The following PBRM1 variants were observed in gnomAD, a reference collection of about 807,000 sequenced individuals.
PBRM1 encodes the protein protein polybromo-1.
PBRM1 carries 27 observed loss-of-function variants against 194.5 expected under a neutral mutation model. The observed-to-expected ratio is 0.14, with a 90% CI of 0.10 to 0.19. The LOEUF (loss-of-function observed/expected upper bound fraction) is 0.19. PBRM1 is among the 10% of genes least tolerant of loss of function. The pLI is 1.00. For synonymous variants in PBRM1, 655 were observed against 693.2 expected (o/e 0.94, Z 0.87); for missense variants, 1,466 against 2,077.2 (o/e 0.71, Z 5.72).
upstream of PBRM1, chr3:52,685,883 C>A: frequency 3.2e-6 from 2 of 618,670 alleles, no homozygotes; most frequent in Non-Finnish European, 5.8e-6. Flanking sequence ...GCCCTCACCT[C>A]CCTTACCCCT....
At chr3:52,567,857 C>T (rs1464854429) in intron 22 of PBRM1, among the ~76,000 whole-genome samples, 1 of 148,914 alleles carries the variant, frequency 6.7e-6, no homozygotes, top group Non-Finnish European at 1.5e-5. Flanking sequence ...CCATGTTGGC[C>T]AGGCTGGTCT....
intron 16 of PBRM1, among the ~76,000 whole-genome samples, chr3:52,606,888 T>C (rs1299916540): frequency 6.6e-6 from 1 of 152,208 alleles, no homozygotes; most frequent in Non-Finnish European, 1.5e-5. Flanking sequence ...CTAAATACTG[T>C]TGATGGACAA....
At chr3:52,581,904 G>A (rs1434791475) in intron 20 of PBRM1, among the ~76,000 whole-genome samples, 3 of 152,088 alleles carry the variant, frequency 2.0e-5, no homozygotes, top group African/African-American at 7.2e-5. Flanking sequence ...CCAAAGTGAT[G>A]GGATTACAGG....
At chr3:52,554,868 C>A (rs778015952) in exon 27 of PBRM1, 9 of 1,607,378 alleles carry the variant, frequency 5.6e-6, no homozygotes, top group Middle Eastern at 1.7e-4. Flanking sequence ...GGCGGATAGC[C>A]ACCCATCATG....
rs2094490955 is a variant in PBRM1 at position 52,609,129 on chromosome 3, C to T, written c.2567+184G>A. 2 of 558,124 alleles carry T rather than the reference C, an allele frequency of 3.6e-6. No homozygotes were observed. Among genetic ancestry groups the T allele is most frequent in the Non-Finnish European group, 6.3e-6 (2 of 318,668 alleles). 34.6% of individuals were successfully genotyped at this position (558,124 alleles called of 1,614,324 possible). A position where few individuals can be genotyped will look rare whatever the true frequency, so the allele number is the denominator to read the frequency against. ...TTAAACTAGATGACTTAGTGGTGTG[C>T]CTTCTCTCCCCCACAGAATATACTC... On this transcript the variant is annotated intron_variant, in intron 16 of 29. Transcript: ENST00000296302. The surrounding 1 kb of genome is among the most constrained non-coding windows in gnomAD (Gnocchi z 4.1).
exon 4 of PBRM1, chr3:52,662,256 T>A (rs2153929130): frequency 6.2e-7 from 1 of 1,613,182 alleles, no homozygotes; most frequent in Admixed American, 1.7e-5. Flanking sequence ...TGCAAGCGGC[T>A]TTATATTCAG....
chr3:52,573,523 A>C (rs1198660200), intron 22 of PBRM1, among the ~76,000 whole-genome samples: 1 of 152,092 alleles, frequency 6.6e-6, no homozygotes, highest in Non-Finnish European at 1.5e-5. Context: ...CTTAACTCCT[A>C]ATCTCAGGTG....
At chr3:52,563,249 AATAAG>A (rs769585167) in intron 24 of PBRM1, 29 bp downstream of exon 26, 38 of 1,544,734 alleles carry the variant, frequency 2.5e-5, no homozygotes, top group Middle Eastern at 3.6e-4. Context: ...CAAAGGTGGT[AATAAG>A]ATAAGTAACA....
intron 27 of PBRM1, among the ~76,000 whole-genome samples, chr3:52,551,533 C>G (rs528622693): frequency 6.6e-6 from 1 of 152,046 alleles, no homozygotes; most frequent in African/African-American, 2.4e-5. Context: ...GTAAGCTTCC[C>G]TCAGTGAATG....
At chr3:52,605,157 G>A (rs1472208327) in intron 16 of PBRM1, among the ~76,000 whole-genome samples, 1 of 152,124 alleles carries the variant, frequency 6.6e-6, no homozygotes, top group Non-Finnish European at 1.5e-5. Flanking sequence ...AGACTGGAGT[G>A]CAGTGGCGTG....
intron 20 of PBRM1, among the ~76,000 whole-genome samples, chr3:52,583,096 C>CAAAAAA (rs1157790825): frequency 9.7e-5 from 6 of 62,030 alleles, no homozygotes; most frequent in African/African-American, 1.8e-4. Context: ...GACTCCATCT[C>CAAAAAA]AAAAAAAAAA....
At chr3:52,648,464 A>G (rs1560759929) in intron 6 of PBRM1, 22 bp from the exon 8 acceptor site, 1 of 1,304,554 alleles carries the variant, frequency 7.7e-7, no homozygotes, top group Non-Finnish European at 1.1e-6. Flanking sequence ...AACAAAATAT[A>G]GCAGTTCCTT....
intron 18 of PBRM1, 60 bp from the exon 21 acceptor site, chr3:52,587,570 C>CTTT (rs36056285): frequency 9.5e-4 from 690 of 729,768 alleles, no homozygotes; most frequent in South Asian, 1.3e-3. Context: ...ACAGAAATCA[C>CTTT]TTTTTTTTTT....
chr3:52,615,554 G>A (rs1372972192), intron 14 of PBRM1, 98 bp from the exon 17 acceptor site: 12 of 738,806 alleles, frequency 1.6e-5, no homozygotes, highest in Non-Finnish European at 2.7e-5. Flanking sequence ...GTTTATGATA[G>A]TTGGGAGCTT....
exon 18 of PBRM1, chr3:52,589,218 G>T: frequency 6.4e-7 from 1 of 1,571,498 alleles, no homozygotes; most frequent in Non-Finnish European, 8.6e-7. Context: ...AGCCTGAGAG[G>T]CCTGCAGCAC....
chr3:52,678,616 G>A lies in PBRM1; in HGVS notation c.139-19C>T. The stretch of plus-strand genomic sequence containing the variant: ...CGGCAATCTACACATTAGCAAAGGA[G>A]AAAAAAATCACTAAAAAAGTGAACA... On this transcript the variant is annotated intron_variant, in intron 1 of 29. Coordinates refer to ENST00000296302, the Ensembl canonical transcript of PBRM1. The A allele has an allele frequency of 6.7e-7, 1 of 1,494,908 alleles. No homozygotes were observed. Among genetic ancestry groups the A allele is most frequent in the Non-Finnish European group, 9.3e-7 (1 of 1,075,264 alleles). The allele number at this position is 1,494,908 out of a possible 1,614,324, so 92.6% of individuals were successfully genotyped here.
At chr3:52,560,853 C>T (rs776708324) in intron 25 of PBRM1, 1 of 150,858 alleles carries the variant, frequency 6.6e-6, no homozygotes, top group Non-Finnish European at 1.5e-5. Context: ...TCTTTGGAGA[C>T]TTCAAAAATT....
rs914906240 is a variant in PBRM1, at chr3:52,675,795, C to T, written c.236+2705G>A. Among the ~76,000 whole-genome samples, 5 of 152,224 alleles carry T rather than the reference C, an allele frequency of 3.3e-5. No individual in the cohort carries two copies. In the East Asian group the frequency reaches 5.8e-4, roughly 18 times the overall value. On this transcript the variant is annotated intron_variant, in intron 2 of 29. Coordinates refer to ENST00000296302, the Ensembl canonical transcript of PBRM1. ...GCACAGTCTTTTCAACAAACGATAC[C>T]GGGAAAACTGGATACACACATATAA...
intron 4 of PBRM1, among the ~76,000 whole-genome samples, chr3:52,661,493 A>G (rs1301609644): frequency 6.6e-6 from 1 of 152,234 alleles, no homozygotes; most frequent in Non-Finnish European, 1.5e-5. Context: ...ATATAGTGAC[A>G]TTATAAAAAC....
Sources: gnomAD v4.1 joint callset for allele counts (sites outside exome capture counted in the v4.1 genomes callset) on GRCh38, gnomAD v4.1.1 for gene constraint, Gnocchi (gnomAD v3.1) non-coding constraint, MANE v1.5 for transcripts, NCBI Gene and HGNC (gene_info 2026-07-23, HGNC 2026-07-21) for gene names.